Variants in DSG1 observed in about 807,000 individuals in gnomAD.
The protein encoded by DSG1 is desmoglein-1.
In DSG1, 39 loss-of-function variants were observed where a neutral mutation model predicts 97.5. The observed-to-expected ratio is 0.40, with a 90% CI of 0.31 to 0.52. DSG1 has a LOEUF of 0.52. Among genes scored for constraint, DSG1 ranks in the 20% least tolerant of loss-of-function variants. The pLI is 0.53. For synonymous variants in DSG1, 475 were observed against 443.4 expected, an observed-to-expected ratio of 1.07 and a Z score of -0.90; for missense variants, 1,311 against 1,295.4, an observed-to-expected ratio of 1.01 and a Z score of -0.18.
chr18:31,327,319 T>G (rs1186917720), intron 3 of DSG1, among the ~76,000 whole-genome samples: 1 of 152,196 alleles, frequency 6.6e-6, no homozygotes, highest in Non-Finnish European at 1.5e-5. Context: ...TCAAAGGAAT[T>G]ACTTCAATGT....
chr18:31,350,496 G>T (rs2071885692), intron 14 of DSG1, among the ~76,000 whole-genome samples: 1 of 150,590 alleles, frequency 6.6e-6, no homozygotes, highest in African/African-American at 2.5e-5. Flanking sequence ...ATGAGTTAGG[G>T]AGGATTCTCT....
chr18:31,331,743 C>A lies in DSG1; in HGVS notation c.560C>A (p.Pro187Gln). The change falls in exon 6 of 15, where the codon CCG becomes CAG. Residue 187 changes from proline to glutamine, a missense_variant. Physicochemically the swap from Pro to Gln is moderately conservative, Grantham distance 76. Coordinates refer to ENST00000257192, the MANE Select transcript of DSG1 (RefSeq NM_001942.4). ...MILNATDADEPNNLNSKIAFK... is the reference protein window; with the variant it reads ...MILNATDADEQNNLNSKIAFK... ...CTCAATGCTACTGACGCAGATGAAC[C>A]GAACAATTTGAACTCAAAAATAGCC... is the stretch of plus-strand genomic sequence containing the variant. 1.9e-6 allele frequency: 3 copies of A among 1,612,688 alleles called. No homozygotes were observed. Among genetic ancestry groups the A allele is most frequent in the Non-Finnish European group, 2.5e-6 (3 of 1,179,110 alleles).
At chr18:31,332,105 A>T (rs888149063) in intron 6 of DSG1, among the ~76,000 whole-genome samples, 2 of 152,098 alleles carry the variant, frequency 1.3e-5, no homozygotes, top group Non-Finnish European at 2.9e-5. Flanking sequence ...AATTTAAGAA[A>T]ACTATATTGT....
intron 9 of DSG1, among the ~76,000 whole-genome samples, chr18:31,337,889 C>T (rs542409900): frequency 6.6e-6 from 1 of 152,104 alleles, no homozygotes; most frequent in East Asian, 1.9e-4. Context: ...GAAGGAGGAG[C>T]AGAAACAGGG....
intron 1 of DSG1, among the ~76,000 whole-genome samples, chr18:31,325,685 CA>C (rs1278769947): frequency 3.3e-5 from 5 of 151,908 alleles, no homozygotes; most frequent in Admixed American, 2.6e-4. Context: ...AGTTTAAAAT[CA>C]GAATTTTTTG....
rs2071974156 is a variant in DSG1, at chr18:31,358,108, T to C, written c.*2762T>C. 6.6e-6 allele frequency among the ~76,000 whole-genome samples: 1 copy of C among 152,014 alleles called. No homozygotes were observed. The highest frequency in any genetic ancestry group is 1.9e-4 in the East Asian group (1 of 5,200). On this transcript the variant is annotated 3_prime_UTR_variant, in exon 15 of 15. Transcript: ENST00000257192. ...GATTCAAGCTGAGTTTCAGATCAACTTGCTCTTAACAAAAGGAAAAAGAAA... is the reference window on the plus strand; with the variant it reads ...GATTCAAGCTGAGTTTCAGATCAACCTGCTCTTAACAAAAGGAAAAAGAAA...
rs1467561344 is a variant in DSG1 at position 31,319,192 on chromosome 18, T to TC, written c.48+844_48+845insC. 3.3e-5 allele frequency among the ~76,000 whole-genome samples: 5 copies of TC among 152,318 alleles called. No homozygotes were observed. In the East Asian group the frequency reaches 9.6e-4, roughly 29 times the overall value. ...CACTAATGTATTATGTCAATTTCAC[T>TC]TTCAGTGAAAATTTGAAAATTGTAA... is the stretch of plus-strand genomic sequence containing the variant. On this transcript the variant is annotated intron_variant, in intron 1 of 14. Transcript: ENST00000257192.
chr18:31,332,901 C>T (rs909091612), intron 6 of DSG1, among the ~76,000 whole-genome samples: 2 of 152,128 alleles, frequency 1.3e-5, no homozygotes, highest in Admixed American at 6.6e-5. Flanking sequence ...AAAGAGCTTT[C>T]GTGGTAAAGC....
intron 8 of DSG1, among the ~76,000 whole-genome samples, chr18:31,336,031 T>G (rs2071749737): frequency 6.6e-6 from 1 of 151,916 alleles, no homozygotes; most frequent in Non-Finnish European, 1.5e-5. Flanking sequence ...GTAGGATAAA[T>G]TGTCTTTGCA....
intron 1 of DSG1, among the ~76,000 whole-genome samples, chr18:31,322,311 A>G (rs566258119): frequency 2.6e-5 from 4 of 152,350 alleles, no homozygotes; most frequent in African/African-American, 9.6e-5. Context: ...AAGTTTCTGG[A>G]TAGTTTATAC....
chr18:31,342,571 T>C (rs12969200), intron 11 of DSG1, among the ~76,000 whole-genome samples: 46,689 of 152,016 alleles, frequency 0.31, 8,651 homozygotes, highest in Non-Finnish European at 0.4. Context: ...TGATAATAAA[T>C]AGATAAATAA....
intron 5 of DSG1, among the ~76,000 whole-genome samples, chr18:31,330,497 T>G (rs1406532416): frequency 6.6e-6 from 1 of 152,036 alleles, no homozygotes; most frequent in Admixed American, 6.6e-5. Flanking sequence ...AAATTTCTTG[T>G]GAATTCCAAA....
chr18:31,338,610 T>C (rs1319684878), intron 10 of DSG1, among the ~76,000 whole-genome samples, 156 bp downstream of exon 10: 2 of 152,206 alleles, frequency 1.3e-5, no homozygotes, highest in Non-Finnish European at 2.9e-5. Flanking sequence ...CTTGAGGCAG[T>C]ATAATTTAGT....
chr18:31,355,038 A>C lies in DSG1; in HGVS notation c.2842A>C (p.Asn948His). ...GCACCCCGAGTTAGCCAATGCCCAC[A>C]ATGTCATTGTGACAGAGAGGGTTGT... ...SMHPELANAH[N>H]VIVTERVVSG... The change falls in exon 15 of 15, where the codon AAT (asparagine) becomes CAT (histidine). Residue 948 changes from asparagine (N) to histidine (H), a missense_variant. Around this residue, in one of 3 missense-constraint regions of DSG1, gnomAD observed 1,038 missense variants for 964.6 expected, o/e 1.08. Coordinates refer to ENST00000257192, the MANE Select transcript of DSG1 (RefSeq NM_001942.4). 6.2e-7 allele frequency: 1 copy of C among 1,614,208 alleles called. No homozygotes were observed. Among genetic ancestry groups the C allele is most frequent in the Non-Finnish European group, 8.5e-7 (1 of 1,180,034 alleles).
chr18:31,335,130 T>C (rs527714462), intron 8 of DSG1, among the ~76,000 whole-genome samples: 13 of 152,302 alleles, frequency 8.5e-5, no homozygotes, highest in Non-Finnish European at 1.6e-4. Flanking sequence ...GCCTACAGCT[T>C]GTATTTAATT....
rs772047049 is a variant in DSG1 at position 31,334,190 on chromosome 18, A to G, written c.993A>G (p.Leu331=). ...ATGAAAGAACAAATGTGGGAATTTT[A>G]AAGGTTGTTAAGGTATGGTATAATT... The part of the protein sequence containing the change: ...EMNERTNVGI[L]KVVKPLDYEA... Residue 331 remains leucine (L), a synonymous_variant, in exon 8 of 15, where the codon TTA becomes TTG. Coordinates refer to ENST00000257192, the MANE Select transcript of DSG1 (RefSeq NM_001942.4). The G allele has an allele frequency of 1.2e-5, 19 of 1,595,268 alleles. No homozygotes were observed. The highest frequency in any genetic ancestry group is 1.6e-5 in the Non-Finnish European group (19 of 1,163,840).
intron 11 of DSG1, among the ~76,000 whole-genome samples, chr18:31,341,891 T>G (rs2071791022): frequency 6.6e-6 from 1 of 151,888 alleles, no homozygotes; most frequent in South Asian, 2.1e-4. Context: ...CATGTTGAGT[T>G]TTGTTTGTTT....
intron 8 of DSG1, among the ~76,000 whole-genome samples, chr18:31,334,587 A>T (rs1188225129): frequency 2.0e-5 from 3 of 152,198 alleles, no homozygotes; most frequent in Non-Finnish European, 4.4e-5. Context: ...TTGTAAGTCA[A>T]TTATTACACA....
At chr18:31,349,319 A>G (rs2071873371) in intron 14 of DSG1, among the ~76,000 whole-genome samples, 1 of 143,712 alleles carries the variant, frequency 7.0e-6, no homozygotes, top group African/African-American at 2.7e-5. Flanking sequence ...TGTTCCATTG[A>G]TCTATATCTC....
Sources: gnomAD v4.1 joint callset for allele counts (sites outside exome capture counted in the v4.1 genomes callset) on GRCh38, gnomAD v4.1.1 for gene constraint, gnomAD v4.1.1 regional missense constraint, MANE v1.5 for transcripts, NCBI Gene and HGNC (gene_info 2026-07-23, HGNC 2026-07-21) for gene names.